Variants in PCDH9 observed in about 807,000 individuals in gnomAD.
PCDH9 encodes the protein protocadherin-9.
In PCDH9, 24 loss-of-function variants were observed where a neutral mutation model predicts 70.6. The observed-to-expected ratio is 0.34, with a 90% CI of 0.25 to 0.48. The LOEUF (loss-of-function observed/expected upper bound fraction) is 0.48, where lower values mean the gene tolerates loss of function less well. Among genes scored for constraint, PCDH9 ranks in the 20% least tolerant of loss-of-function variants. PCDH9 has a pLI of 0.99. For synonymous variants in PCDH9, 562 were observed against 558.5 expected (o/e 1.01, Z -0.09); for missense variants, 1,281 against 1,503.6 (o/e 0.85, Z 2.45).
chr13:66,854,130 T>C (rs1173486638), intron 3 of PCDH9, among the ~76,000 whole-genome samples: 1 of 152,180 alleles, frequency 6.6e-6, no homozygotes, highest in Non-Finnish European at 1.5e-5. Context: ...GTACTGCTTA[T>C]AATGAGAAGT....
chr13:66,811,606 T>TTC (rs2139362040), intron 3 of PCDH9, among the ~76,000 whole-genome samples: 1 of 140,310 alleles, frequency 7.1e-6, no homozygotes, highest in African/African-American at 2.7e-5. Context: ...TTCCTACCTG[T>TTC]CTGCCTGCCT....
chr13:66,642,741 T>G (rs1209377889), intron 3 of PCDH9, among the ~76,000 whole-genome samples: 1 of 151,988 alleles, frequency 6.6e-6, no homozygotes. Flanking sequence ...TTTTCTTCAG[T>G]AGCTTAAAAA....
intron 2 of PCDH9, among the ~76,000 whole-genome samples, chr13:67,107,989 C>T (rs114318437): frequency 0.024 from 3,709 of 152,286 alleles, 123 homozygotes; most frequent in South Asian, 0.069. Flanking sequence ...CTGGTCCAGC[C>T]ACAGCCTTGC....
At position 67,016,904 on chromosome 13, in the gene PCDH9, AC is replaced by A. The variant is rs540287519; in HGVS notation, c.3037-113300del. Among the ~76,000 whole-genome samples the A allele has an allele frequency of 3.5e-3, 537 of 152,296 alleles. 5 individuals are homozygous for A. The highest frequency in any genetic ancestry group is 0.012 in the African/African-American group (517 of 41,576). ...GCAGTCTTTTTCAATAATAGCACCT[AC>A]TACATAGGACCCAAGGGCACCCATT... On this transcript the variant is annotated intron_variant, in intron 2 of 4. Coordinates refer to ENST00000377865, the MANE Select transcript of PCDH9 (RefSeq NM_203487.3).
intron 2 of PCDH9, among the ~76,000 whole-genome samples, chr13:67,038,334 C>G (rs1456802534): frequency 6.6e-6 from 1 of 152,138 alleles, no homozygotes; most frequent in Non-Finnish European, 1.5e-5. Context: ...AAAAGCCACA[C>G]ATTTCCAACT....
At chr13:67,098,271 T>G (rs78827687) in intron 2 of PCDH9, among the ~76,000 whole-genome samples, 3,546 of 152,254 alleles carry the variant, frequency 0.023, 112 homozygotes, top group South Asian at 0.07. Flanking sequence ...ATCATGACAT[T>G]CTCTAAGCAT....
chr13:66,620,643 A>G (rs1414251836), intron 4 of PCDH9, among the ~76,000 whole-genome samples: 1 of 151,068 alleles, frequency 6.6e-6, no homozygotes, highest in East Asian at 1.9e-4. Context: ...TTATTCTAAC[A>G]CACTAATTTT....
chr13:67,012,180 G>T (rs945549978), intron 2 of PCDH9, among the ~76,000 whole-genome samples: 32 of 151,574 alleles, frequency 2.1e-4, no homozygotes, highest in African/African-American at 7.5e-4. Context: ...TGAAAGAATC[G>T]ATTTTAAAAG....
At chr13:66,802,721 T>A (rs969140526) in intron 3 of PCDH9, among the ~76,000 whole-genome samples, 1 of 152,136 alleles carries the variant, frequency 6.6e-6, no homozygotes, top group Non-Finnish European at 1.5e-5. Flanking sequence ...ATGTTTTTTA[T>A]ATAGCATTGC....
chr13:66,924,624 A>T (rs1225090804), intron 2 of PCDH9, among the ~76,000 whole-genome samples: 1 of 146,940 alleles, frequency 6.8e-6, no homozygotes, highest in African/African-American at 2.4e-5. Flanking sequence ...CTGCAAATGT[A>T]TATAATCAGT....
intron 2 of PCDH9, among the ~76,000 whole-genome samples, chr13:67,000,875 A>G (rs1257622037): frequency 3.3e-5 from 5 of 152,246 alleles, no homozygotes; most frequent in East Asian, 1.9e-4. Context: ...CTGTTTTAAA[A>G]TATTACTTTC....
chr13:66,618,545 ATAT>A (rs1221319514), intron 4 of PCDH9, among the ~76,000 whole-genome samples: 18 of 152,270 alleles, frequency 1.2e-4, no homozygotes, highest in Middle Eastern at 3.4e-3. Flanking sequence ...TATTAATTTG[ATAT>A]TATGAGAATA....
In PCDH9 at chr13:66,666,950, C is replaced by A. The variant is rs1435010756; in HGVS notation, c.3139-35539G>T. On this transcript the variant is annotated intron_variant, in intron 3 of 4. Coordinates refer to ENST00000377865, the MANE Select transcript of PCDH9 (RefSeq NM_203487.3). The stretch of plus-strand genomic sequence containing the variant: ...TTAAGAAAAATAAAACCTAGATACA[C>A]TTGTGGACCAAATAAATGTGGAGTT... Among the ~76,000 whole-genome samples, 6 of 152,228 alleles carry A rather than the reference C, an allele frequency of 3.9e-5. No individual in the cohort carries two copies. In the South Asian group the frequency reaches 1.0e-3, roughly 26 times the overall value.
chr13:67,067,387 A>C (rs958972020), intron 2 of PCDH9, among the ~76,000 whole-genome samples: 6 of 152,106 alleles, frequency 3.9e-5, no homozygotes, highest in African/African-American at 1.4e-4. Flanking sequence ...TATGTAATCT[A>C]TATAACATAT....
At chr13:66,427,728 C>T (rs998032619) in intron 4 of PCDH9, among the ~76,000 whole-genome samples, 11 of 151,552 alleles carry the variant, frequency 7.3e-5, no homozygotes, top group African/African-American at 1.2e-4. Context: ...AGTATTCTTG[C>T]GAAGAATGCT....
intron 3 of PCDH9, among the ~76,000 whole-genome samples, chr13:66,688,501 T>A (rs1262872536): frequency 6.6e-6 from 1 of 152,104 alleles, no homozygotes; most frequent in African/African-American, 2.4e-5. Context: ...TAATATATAT[T>A]ATGCCTGAAA....
At chr13:66,824,673 TATATATATATATA>T (rs1405775283) in intron 3 of PCDH9, among the ~76,000 whole-genome samples, 2 of 52,698 alleles carry the variant, frequency 3.8e-5, no homozygotes, top group South Asian at 1.1e-3. Context: ...TATATATATA[TATATATATATATA>T]TATATATATA....
At chr13:66,934,312 A>T (rs2082867653) in intron 2 of PCDH9, among the ~76,000 whole-genome samples, 1 of 152,082 alleles carries the variant, frequency 6.6e-6, no homozygotes, top group Non-Finnish European at 1.5e-5. Flanking sequence ...TGGGCGGATC[A>T]CCTGAGGTCA....
chr13:66,922,388 T>C (rs10220192), intron 2 of PCDH9, among the ~76,000 whole-genome samples: 14,440 of 151,322 alleles, frequency 0.095, 876 homozygotes, highest in East Asian at 0.24. Context: ...AACTTTCCCT[T>C]CCTAACCTGG....
Sources: gnomAD v4.1 joint callset for allele counts (sites outside exome capture counted in the v4.1 genomes callset) on GRCh38, gnomAD v4.1.1 for gene constraint, MANE v1.5 for transcripts, NCBI Gene and HGNC (gene_info 2026-07-23, HGNC 2026-07-21) for gene names.